BICRA: variants seen among roughly 807,000 people sequenced by gnomAD.
BICRA encodes the protein BRD4 interacting chromatin remodeling complex associated protein, also known as BRD4-interacting chromatin-remodeling complex-associated protein.
BICRA carries 31 observed loss-of-function variants against 96.9 expected under a neutral mutation model. That is an observed-to-expected ratio of 0.32 (90% CI 0.24 to 0.43). The LOEUF is 0.43. BICRA is among the 20% of genes least tolerant of loss of function. BICRA has a pLI of 1.00. For missense variants in BICRA, 2,283 were observed against 2,190.3 expected, an observed-to-expected ratio of 1.04 and a Z score of -0.84; for synonymous variants, 1,350 against 1,071.8, an observed-to-expected ratio of 1.26 and a Z score of -5.07.
rs1247663144 is a variant in BICRA, at chr19:47,680,804, C to T, written c.1634C>T (p.Ala545Val). 1.2e-6 allele frequency: 2 copies of T among 1,608,292 alleles called. No individual in the cohort carries two copies. Among genetic ancestry groups the T allele is most frequent in the African/African-American group, 2.7e-5 (2 of 74,728 alleles). The part of the protein sequence containing the change: ...GAHSAHILSA[A>V]PIQVGQPALF... ...CACAGCGCGCACATCCTCTCCGCCG[C>T]TCCCATCCAGGTGGGCCAGCCTGCG... Residue 545 changes from alanine (A) to valine (V), a missense_variant, in exon 6 of 15, where the codon GCT becomes GTT. Transcript: ENST00000594866.
chr19:47,700,020 G>A (rs1466461026), intron 14 of BICRA: 1 of 153,586 alleles, frequency 6.5e-6, no homozygotes, highest in Non-Finnish European at 1.4e-5. Flanking sequence ...GTACTTAAAT[G>A]AGTGCAAAGG....
In BICRA at chr19:47,695,074, G is replaced by A. The variant is rs772799778; in HGVS notation, c.3070G>A (p.Ala1024Thr). Residue 1024 changes from alanine (A) to threonine (T), a missense_variant, in exon 9 of 15, where the codon GCC (alanine) becomes ACC (threonine). Ala to Thr is a moderately conservative substitution (Grantham distance 58). Coordinates refer to ENST00000594866, the MANE Select transcript of BICRA (RefSeq NM_001394372.1). ...CGCCCCCGCCCCGGCACCCATGGCC[G>A]CCACAGGTAGGAGAGAGGTCGCCTA... ...SHAPAPAPMA[A>T]TGLPPLLPAE... 53 of 1,491,998 alleles carry A rather than the reference G, an allele frequency of 3.6e-5. No homozygotes were observed. Among genetic ancestry groups the A allele is most frequent in the Admixed American group, 1.1e-4 (4 of 38,040 alleles). 92.4% of individuals were successfully genotyped at this position (1,491,998 alleles called of 1,614,324 possible).
rs150295533 is a variant in BICRA at position 47,634,979 on chromosome 19, G to A, written c.-108+25811G>A. Among the ~76,000 whole-genome samples the A allele has an allele frequency of 3.9e-3, 592 of 152,034 alleles. 1 individual carries two copies. Among genetic ancestry groups the A allele is most frequent in the African/African-American group, 0.014 (567 of 41,476 alleles). On this transcript the variant is annotated intron_variant, in intron 1 of 14. Transcript: ENST00000594866. Reference sequence around the variant, plus strand: ...GGGTTTCACTGTGTTAGCCAAGATGGTCTCGATCTCCTGACCTCGTTATCC... The same window carrying A: ...GGGTTTCACTGTGTTAGCCAAGATGATCTCGATCTCCTGACCTCGTTATCC...
chr19:47,698,327 T>G lies in BICRA; in HGVS notation c.3249-307T>G, dbSNP rs774441532. On this transcript the variant is annotated intron_variant, in intron 11 of 14. Coordinates refer to ENST00000594866, the MANE Select transcript of BICRA (RefSeq NM_001394372.1). The surrounding 1 kb of genome is among the most constrained non-coding windows in gnomAD (Gnocchi z 4.8). ...GGAGGCAGAATAGCAGCTTCCAGGC[T>G]CTGGCCTCACTTCCCGCTCTGCTCT... 4.0e-4 allele frequency among the ~76,000 whole-genome samples: 61 copies of G among 152,260 alleles called. No homozygotes were observed. Among genetic ancestry groups the G allele is most frequent in the Middle Eastern group, 6.8e-3 (2 of 294 alleles).
chr19:47,630,598 T>G (rs989466437), intron 1 of BICRA, among the ~76,000 whole-genome samples: 1 of 152,216 alleles, frequency 6.6e-6, no homozygotes, highest in African/African-American at 2.4e-5. Context: ...TTCTTTTCTT[T>G]TTTTGTGGCT....
At position 47,679,650 on chromosome 19, in the gene BICRA, C is replaced by T. The variant is rs1328115237; in HGVS notation, c.480C>T (p.Phe160=). 2 of 1,513,672 alleles carry T rather than the reference C, an allele frequency of 1.3e-6. No homozygotes were observed. Among genetic ancestry groups the T allele is most frequent in the East Asian group, 2.5e-5 (1 of 40,322 alleles). 93.8% of individuals were successfully genotyped at this position (1,513,672 alleles called of 1,614,324 possible). A position where few individuals can be genotyped will look rare whatever the true frequency, so the allele number is the denominator to read the frequency against. Residue 160 remains phenylalanine (F), a synonymous_variant, in exon 6 of 15, where the codon TTC becomes TTT. Coordinates refer to ENST00000594866, the MANE Select transcript of BICRA (RefSeq NM_001394372.1). Reference sequence around the variant, plus strand: ...TGGCTGCGGGGCCCCAAGCCCTCTTCCCAGGCAGCACCGACCTGCTGGGGC... The same window carrying T: ...TGGCTGCGGGGCCCCAAGCCCTCTTTCCAGGCAGCACCGACCTGCTGGGGC... ...AAVAAGPQAL[F]PGSTDLLGLQ... is the part of the protein sequence containing the mutation.
At chr19:47,697,266 G>A (rs1291763194) in intron 11 of BICRA, among the ~76,000 whole-genome samples, 1 of 151,894 alleles carries the variant, frequency 6.6e-6, no homozygotes, top group African/African-American at 2.4e-5. Context: ...TTACAGGTGT[G>A]AGCCACCACG....
At chr19:47,619,964 G>T in intron 1 of BICRA, among the ~76,000 whole-genome samples, 1 of 152,152 alleles carries the variant, frequency 6.6e-6, no homozygotes, top group East Asian at 1.9e-4. Flanking sequence ...GTCAGTACCT[G>T]CTCCCAGAAG....
chr19:47,609,230 CG>C (rs1212728822), intron 1 of BICRA, 62 bp downstream of exon 1: 1 of 146,548 alleles, frequency 6.8e-6, no homozygotes, highest in African/African-American at 2.5e-5. Context: ...ACCTGCGAGT[CG>C]GGGCTGTGAC....
chr19:47,650,639 G>T (rs529882038), intron 1 of BICRA, among the ~76,000 whole-genome samples: 1 of 152,314 alleles, frequency 6.6e-6, no homozygotes, highest in Non-Finnish European at 1.5e-5. Flanking sequence ...CTGAGAGGGA[G>T]GTGTGGAGTT....
In BICRA at chr19:47,680,671, G is replaced by T. The variant is rs761772148; in HGVS notation, c.1501G>T (p.Ala501Ser). 4 of 1,604,840 alleles carry T rather than the reference G, an allele frequency of 2.5e-6. No homozygotes were observed. The East Asian group carries it at 6.7e-5, about 27-fold the overall frequency. Residue 501 changes from alanine (A) to serine (S), a missense_variant, in exon 6 of 15, where the codon GCT becomes TCT. Ala to Ser is a moderately conservative substitution (Grantham distance 99). Coordinates refer to ENST00000594866, the MANE Select transcript of BICRA (RefSeq NM_001394372.1). ...CGTGGGCGGGCAGATCCTGGCGGCC[G>T]CTGCCCCCCACACAGGTGGACAGCT... ...ANVGGQILAA[A>S]APHTGGQLIA...
intron 1 of BICRA, among the ~76,000 whole-genome samples, chr19:47,619,218 T>G (rs1205847877): frequency 1.6e-5 from 2 of 121,972 alleles, no homozygotes; most frequent in Non-Finnish European, 3.3e-5. Flanking sequence ...ATATACACAT[T>G]TTTTTTCCCA....
chr19:47,653,015 CTTTTTTT>C (rs869230602), intron 1 of BICRA, among the ~76,000 whole-genome samples: 7 of 113,726 alleles, frequency 6.2e-5, no homozygotes, highest in South Asian at 2.9e-4. Flanking sequence ...CGTCCTCATT[CTTTTTTT>C]TTTTTTTTTT....
intron 1 of BICRA, among the ~76,000 whole-genome samples, chr19:47,661,130 C>G (rs569351698): frequency 7.3e-6 from 1 of 136,932 alleles, no homozygotes; most frequent in Non-Finnish European, 1.5e-5. Context: ...TGGAGAATGG[C>G]GTGAACCCGG....
intron 5 of BICRA, among the ~76,000 whole-genome samples, chr19:47,676,760 TGTA>T (rs1972948623): frequency 6.6e-6 from 1 of 151,656 alleles, no homozygotes; most frequent in African/African-American, 2.4e-5. Context: ...GATGAGGAAA[TGTA>T]GTAATTATAT....
Position 47,694,359 on chromosome 19 carries a change from T to G in BICRA, c.2528T>G (p.Val843Gly). The G allele has an allele frequency of 9.7e-7, 1 of 1,034,858 alleles. No individual in the cohort carries two copies. Among genetic ancestry groups the G allele is most frequent in the African/African-American group, 1.8e-5 (1 of 54,628 alleles). The allele number at this position is 1,034,858 out of a possible 1,614,324, so 64.1% of individuals were successfully genotyped here. A position where few individuals can be genotyped will look rare whatever the true frequency, so the allele number is the denominator to read the frequency against. The change falls in exon 8 of 15, where the codon GTT (valine) becomes GGT (glycine). Residue 843 changes from valine (V) to glycine (G), a missense_variant. Coordinates refer to ENST00000594866, the MANE Select transcript of BICRA (RefSeq NM_001394372.1). The part of the protein sequence containing the change: ...GIFVIQNQLG[V>G]PPPASNPAPT... The stretch of plus-strand genomic sequence containing the variant: ...TTTGTCATCCAAAACCAGCTAGGCG[T>G]TCCCCCGCCTGCCAGCAACCCGGCC...
At chr19:47,688,516 C>A (rs972659748) in intron 7 of BICRA, among the ~76,000 whole-genome samples, 1 of 152,126 alleles carries the variant, frequency 6.6e-6, no homozygotes, top group Non-Finnish European at 1.5e-5. Context: ...TCTGGCCAGG[C>A]ACAGTGGCTC....
In BICRA at chr19:47,701,767, C is replaced by G; in HGVS notation, c.4035C>G (p.Pro1345=). ...CCGCTACCCTCAAGGTGGCCGAGCC[C>G]CCGCCACGGCCGCCACCACCACCGC... ...PPPATLKVAE[P]PPRPPPPPPP... The change falls in exon 15 of 15, where the codon CCC becomes CCG. Residue 1345 remains proline, a synonymous_variant. Coordinates refer to ENST00000594866, the MANE Select transcript of BICRA (RefSeq NM_001394372.1). This position sits in a 1 kb window ranked among gnomAD's most constrained non-coding sequence, Gnocchi z 5.4. 4 of 1,539,722 alleles carry G rather than the reference C, an allele frequency of 2.6e-6. No homozygotes were observed. The highest frequency in any genetic ancestry group is 1.2e-5 in the South Asian group (1 of 83,922).
intron 1 of BICRA, among the ~76,000 whole-genome samples, chr19:47,624,992 CTTTTTT>C (rs35273886): frequency 1.0e-4 from 6 of 57,922 alleles, no homozygotes; most frequent in Admixed American, 3.0e-4. Context: ...CTGCACCTGG[CTTTTTT>C]TTTTTTTTTT....
Sources: allele counts gnomAD v4.1 joint callset (sites outside exome capture counted in the v4.1 genomes callset), GRCh38; gene constraint gnomAD v4.1.1; non-coding constraint Gnocchi (gnomAD v3.1); transcripts MANE v1.5; gene names NCBI Gene and HGNC (gene_info 2026-07-23, HGNC 2026-07-21).